The following DDX60 variants were observed in gnomAD, a reference collection of about 807,000 sequenced individuals.
DDX60 encodes probable ATP-dependent RNA helicase DDX60.
A neutral mutation model predicts 212.8 loss-of-function variants in DDX60; 165 were observed. The observed-to-expected ratio is 0.78, with a 90% CI of 0.68 to 0.88. The LOEUF is 0.88. Ranked by LOEUF, DDX60 falls within the 40% of genes least tolerant of loss-of-function variation. DDX60 has a pLI of 0.00. For missense variants in DDX60, 1,905 were observed against 2,003.9 expected (o/e 0.95, Z 0.94); for synonymous variants, 703 against 685.3 (o/e 1.03, Z -0.40).
chr4:168,316,691 C>T (rs1455368556), intron 1 of DDX60, among the ~76,000 whole-genome samples: 4 of 152,024 alleles, frequency 2.6e-5, no homozygotes, highest in Non-Finnish European at 4.4e-5. Context: ...CATTTTACAA[C>T]TCCTAATGAA....
intron 8 of DDX60, among the ~76,000 whole-genome samples, chr4:168,289,065 C>T (rs1013159852): frequency 2.0e-5 from 3 of 152,142 alleles, no homozygotes; most frequent in Admixed American, 2.0e-4. Flanking sequence ...AGTCAGATCT[C>T]AACTTGATCA....
chr4:168,267,883 T>C lies in DDX60; in HGVS notation c.2887A>G (p.Lys963Glu). Reference protein sequence around the residue: ...RHVGRQAGFPKDYLQVKQSYK... With the variant: ...RHVGRQAGFPEDYLQVKQSYK... Reference sequence around the variant, plus strand: ...GATTGTTTTACTTGCAAGTAGTCTTTGGGAAAGCCGGCCTGACGACCCACA... The same window carrying C: ...GATTGTTTTACTTGCAAGTAGTCTTCGGGAAAGCCGGCCTGACGACCCACA... Residue 963 changes from lysine to glutamate, a missense_variant, in exon 21 of 38, where the codon AAA (lysine) becomes GAA (glutamate). Transcript: ENST00000393743. 3.7e-6 allele frequency: 6 copies of C among 1,613,552 alleles called. No individual in the cohort carries two copies. Among genetic ancestry groups the C allele is most frequent in the Admixed American group, 1.7e-5 (1 of 60,002 alleles).
In DDX60 at chr4:168,255,727, C is replaced by T. The variant is rs1255485179; in HGVS notation, c.3541G>A (p.Glu1181Lys). 1.3e-6 allele frequency: 2 copies of T among 1,590,162 alleles called. No homozygotes were observed. Among genetic ancestry groups the T allele is most frequent in the African/African-American group, 1.4e-5 (1 of 72,950 alleles). ...ACTACTTACATGATCTTTTGTTTCT[C>T]TATGGATTTTTTAACTTTTCGAAGT... is the stretch of plus-strand genomic sequence containing the variant. ...NKLRKVKKSI[E>K]KQKIIDEKSQ... is the part of the protein sequence containing the mutation. Residue 1181 changes from glutamate to lysine, a missense_variant, in exon 26 of 38, where the codon GAG becomes AAG. By Grantham distance (56) the Glu-to-Lys change is moderately conservative (BLOSUM62 1). Transcript: ENST00000393743.
At position 168,262,759 on chromosome 4, in the gene DDX60, A is replaced by G. The variant is rs1429646646; in HGVS notation, c.3068T>C (p.Leu1023Pro). Residue 1023 changes from leucine to proline, a missense_variant, in exon 23 of 38, where the codon CTT becomes CCT. Coordinates refer to ENST00000393743, the MANE Select transcript of DDX60 (RefSeq NM_017631.6). ...HIERYGFPPD[L>P]TLSPRESIQL... ...GATGCTTTCTCGAGGTGAAAGGGTAAGATCAGGAGGGAATCCATACCTTTC... is the reference window on the plus strand; with the variant it reads ...GATGCTTTCTCGAGGTGAAAGGGTAGGATCAGGAGGGAATCCATACCTTTC... 1 of 1,611,656 alleles carries G rather than the reference A, an allele frequency of 6.2e-7. No individual in the cohort carries two copies. Among genetic ancestry groups the G allele is most frequent in the Non-Finnish European group, 8.5e-7 (1 of 1,178,746 alleles).
rs760807892 is a variant in DDX60 at position 168,284,868 on chromosome 4, G to T, written c.1513C>A (p.His505Asn). ...EFDELVHWHS[H>N]KPLSDDYDRS... ...TCATAATCATCACTCAGGGGTTTAT[G>T]AGAATGCCAGTGCACAAGTTCATCA... is the stretch of plus-strand genomic sequence containing the variant. The change falls in exon 12 of 38, where the codon CAT (histidine) becomes AAT (asparagine). Residue 505 changes from histidine to asparagine, a missense_variant. By Grantham distance (68) the His-to-Asn change is moderately conservative. Coordinates refer to ENST00000393743, the MANE Select transcript of DDX60 (RefSeq NM_017631.6). The T allele has an allele frequency of 8.8e-6, 14 of 1,598,028 alleles. No individual in the cohort carries two copies. Among genetic ancestry groups the T allele is most frequent in the Non-Finnish European group, 1.1e-5 (13 of 1,170,074 alleles).
chr4:168,273,221 A>G (rs1735177955), intron 18 of DDX60, 58 bp downstream of exon 18: 1 of 1,492,362 alleles, frequency 6.7e-7, no homozygotes, highest in African/African-American at 1.4e-5. Flanking sequence ...CTAGTCAAAG[A>G]GACATACAAG....
intron 1 of DDX60, among the ~76,000 whole-genome samples, chr4:168,313,026 T>C (rs1737209442): frequency 6.6e-6 from 1 of 152,166 alleles, no homozygotes; most frequent in Admixed American, 6.5e-5. Context: ...CTGAAACATA[T>C]GCAAATATGC....
At position 168,262,690 on chromosome 4, in the gene DDX60, C is replaced by A. The variant is rs751465372; in HGVS notation, c.3137G>T (p.Arg1046Leu). The change falls in exon 23 of 38, where the codon CGG becomes CTG. Residue 1046 changes from arginine (R) to leucine (L), a missense_variant. Physicochemically the swap from Arg to Leu is moderately radical, Grantham distance 102 (BLOSUM62 -2). Coordinates refer to ENST00000393743, the MANE Select transcript of DDX60 (RefSeq NM_017631.6). Reference sequence around the variant, plus strand: ...TACATCATTATTATTTACCTGGGCCCGAGGCCAACTTTTCCAAATTTGAAA... The same window carrying A: ...TACATCATTATTATTTACCTGGGCCAGAGGCCAACTTTTCCAAATTTGAAA... ...AMFQIWKSWP[R>L]AQELCPENFI... 1.2e-6 allele frequency: 2 copies of A among 1,606,950 alleles called. No homozygotes were observed. Among genetic ancestry groups the A allele is most frequent in the South Asian group, 1.1e-5 (1 of 90,474 alleles).
At chr4:168,237,976 C>T (rs1392703024) in intron 30 of DDX60, among the ~76,000 whole-genome samples, 181 bp from the exon 31 acceptor site, 1 of 151,872 alleles carries the variant, frequency 6.6e-6, no homozygotes, top group Non-Finnish European at 1.5e-5. Flanking sequence ...CAAAATAGAG[C>T]ACATAAACTG....
chr4:168,260,738 G>A (rs897549029), intron 25 of DDX60, 127 bp downstream of exon 25: 4 of 845,396 alleles, frequency 4.7e-6, no homozygotes, highest in African/African-American at 3.4e-5. Flanking sequence ...CTGCTCTGTG[G>A]CACAATTCCT....
upstream of DDX60, among the ~76,000 whole-genome samples, chr4:168,322,758 T>C (rs1353494499): frequency 6.6e-6 from 1 of 152,174 alleles, no homozygotes; most frequent in Non-Finnish European, 1.5e-5. Context: ...AGTTTATTAG[T>C]CACATGTCCT....
At chr4:168,236,523 A>G (rs958181265) in intron 32 of DDX60, 150 bp from the exon 33 acceptor site, 1 of 663,876 alleles carries the variant, frequency 1.5e-6, no homozygotes, top group Non-Finnish European at 2.4e-6. Flanking sequence ...ATATCCGCTA[A>G]TAGTTTTTAT....
At chr4:168,320,285 C>T (rs1480700400), upstream of DDX60, among the ~76,000 whole-genome samples, 1 of 151,982 alleles carries the variant, frequency 6.6e-6, no homozygotes, top group Non-Finnish European at 1.5e-5. Flanking sequence ...CCAGGTGGGC[C>T]CAAGGTCATC....
intron 33 of DDX60, among the ~76,000 whole-genome samples, chr4:168,233,709 G>A (rs1578977956): frequency 6.6e-6 from 1 of 152,032 alleles, no homozygotes; most frequent in African/African-American, 2.4e-5. Flanking sequence ...GGACCCATAG[G>A]AAAAGGTGTG....
At chr4:168,257,046 C>T (rs1026822498) in intron 25 of DDX60, among the ~76,000 whole-genome samples, 2 of 152,114 alleles carry the variant, frequency 1.3e-5, no homozygotes, top group African/African-American at 2.4e-5. Context: ...CACAGTTGGC[C>T]GGGCATGGTG....
chr4:168,234,699 G>T (rs1418267834), intron 33 of DDX60, among the ~76,000 whole-genome samples: 3 of 151,942 alleles, frequency 2.0e-5, no homozygotes, highest in African/African-American at 7.3e-5. Context: ...TTGGTCATAT[G>T]TTCATGCTTA....
chr4:168,222,397 T>G (rs1279993074), intron 35 of DDX60, among the ~76,000 whole-genome samples: 2 of 152,094 alleles, frequency 1.3e-5, no homozygotes, highest in African/African-American at 4.8e-5. Flanking sequence ...CAAACTGTAC[T>G]GTAGAGGATC....
intron 28 of DDX60, among the ~76,000 whole-genome samples, chr4:168,249,113 A>G (rs185329039): frequency 1.3e-5 from 2 of 152,322 alleles, no homozygotes; most frequent in Admixed American, 1.3e-4. Context: ...TGATAGGGCA[A>G]TAATACTTTT....
chr4:168,224,159 TCGAAG>T, intron 35 of DDX60, 79 bp downstream of exon 35: 1 of 1,481,536 alleles, frequency 6.7e-7, no homozygotes. Flanking sequence ...GCTGGGAAAT[TCGAAG>T]TTCTTTCTAA....
Sources: allele counts gnomAD v4.1 joint callset (sites outside exome capture counted in the v4.1 genomes callset), GRCh38; gene constraint gnomAD v4.1.1; transcripts MANE v1.5; gene names NCBI Gene and HGNC (gene_info 2026-07-23, HGNC 2026-07-21).